The following ATXN10 variants were observed in gnomAD, a reference collection of about 807,000 sequenced individuals.
ATXN10 encodes ataxin 10.
ATXN10 carries 28 observed loss-of-function variants against 52.9 expected under a neutral mutation model. The observed-to-expected ratio is 0.53, with a 90% CI of 0.39 to 0.73. The LOEUF is 0.73. Ranked by LOEUF, ATXN10 falls within the 30% of genes least tolerant of loss-of-function variation. The probability of loss-of-function intolerance (pLI) is 0.00; values close to 1 mark genes in which losing one functional copy is unlikely to be tolerated. For missense variants in ATXN10, 565 were observed against 577.0 expected (o/e 0.98, Z 0.21); for synonymous variants, 226 against 221.5 (o/e 1.02, Z -0.18).
At position 45,841,379 on chromosome 22, in the gene ATXN10, A is replaced by G. The variant is rs560139867; in HGVS notation, c.1238-1612A>G. Among the ~76,000 whole-genome samples, 47 of 152,246 alleles carry G rather than the reference A, an allele frequency of 3.1e-4. No homozygotes were observed. Among genetic ancestry groups the G allele is most frequent in the Non-Finnish European group, 5.7e-4 (39 of 68,042 alleles). ...CCAGTGGTTTTGATGCTAAACCTCC[A>G]AAGACCAGCAGGTCATTCACTCAGC... On this transcript the variant is annotated intron_variant, in intron 10 of 11. Coordinates refer to ENST00000252934, the MANE Select transcript of ATXN10 (RefSeq NM_013236.4). This position sits in a 1 kb window ranked among gnomAD's most constrained non-coding sequence, Gnocchi z 5.1.
chr22:45,682,641 G>T lies in ATXN10; in HGVS notation c.117-7071G>T, dbSNP rs1177436575. On this transcript the variant is annotated intron_variant, in intron 1 of 11. Transcript: ENST00000252934. The stretch of plus-strand genomic sequence containing the variant: ...GATTTTTCTCCTGAATGCTAGACTT[G>T]TTTATTCACCTGACTACTTCACATT... Among the ~76,000 whole-genome samples the T allele has an allele frequency of 1.1e-4, 16 of 152,142 alleles. 1 individual carries two copies. The highest frequency in any genetic ancestry group is 2.4e-4 in the Non-Finnish European group (16 of 68,018).
In ATXN10 at chr22:45,837,557, C is replaced by A. The variant is rs938436307; in HGVS notation, c.1238-5434C>A. Reference sequence around the variant, plus strand: ...GATTACAGGCGTGAGCCACTATGCCCGGCCTATTTATTTATTAATTCAACA... The same window carrying A: ...GATTACAGGCGTGAGCCACTATGCCAGGCCTATTTATTTATTAATTCAACA... On this transcript the variant is annotated intron_variant, in intron 10 of 11. Transcript: ENST00000252934. The surrounding 1 kb of genome is among the most constrained non-coding windows in gnomAD (Gnocchi z 5.8). Among the ~76,000 whole-genome samples, 1 of 152,224 alleles carries A rather than the reference C, an allele frequency of 6.6e-6. No homozygotes were observed. The highest frequency in any genetic ancestry group is 1.5e-5 in the Non-Finnish European group (1 of 68,044).
intron 9 of ATXN10, among the ~76,000 whole-genome samples, chr22:45,755,253 C>T (rs755196254): frequency 6.6e-6 from 1 of 152,226 alleles, no homozygotes; most frequent in Non-Finnish European, 1.5e-5. Context: ...ATATTTTCAT[C>T]GTGATAGGAA....
In ATXN10 at chr22:45,744,584, A is replaced by T. The variant is rs997763404; in HGVS notation, c.1173+4046A>T. The T allele has an allele frequency of 6.6e-6, 1 of 152,118 alleles. No individual in the cohort carries two copies. The highest frequency in any genetic ancestry group is 1.5e-5 in the Non-Finnish European group (1 of 68,042). 9.4% of individuals were successfully genotyped at this position (152,118 alleles called of 1,614,324 possible). A position where few individuals can be genotyped will look rare whatever the true frequency, so the allele number is the denominator to read the frequency against. On this transcript the variant is annotated intron_variant, in intron 9 of 11. Transcript: ENST00000252934. This position sits in a 1 kb window ranked among gnomAD's most constrained non-coding sequence, Gnocchi z 4.9. ...TTGCCGTGTGCTGCATGCTCTGGAG[A>T]AGACAGTCGCTTTAGTGGTGGAATG... is the stretch of plus-strand genomic sequence containing the variant.
chr22:45,788,689 C>T (rs1927403686), intron 9 of ATXN10, among the ~76,000 whole-genome samples: 2 of 152,040 alleles, frequency 1.3e-5, no homozygotes, highest in South Asian at 4.1e-4. Context: ...CAGGGTCTCC[C>T]TCTGCTGCCC....
chr22:45,834,572 G>A (rs570726738), intron 10 of ATXN10, among the ~76,000 whole-genome samples: 2 of 152,308 alleles, frequency 1.3e-5, no homozygotes, highest in East Asian at 3.9e-4. Context: ...TCGTGGCTGT[G>A]TATCCACATG....
chr22:45,733,418 G>A lies in ATXN10; in HGVS notation c.894+3828G>A, dbSNP rs1026393514. Among the ~76,000 whole-genome samples the A allele has an allele frequency of 7.2e-5, 11 of 152,074 alleles. No individual in the cohort carries two copies. The highest frequency in any genetic ancestry group is 2.7e-4 in the African/African-American group (11 of 41,410). ...TGCTTTGTTGTTAAAAATTATTTAA[G>A]CTGAAGTCAGTGAAACATAAAGTTA... On this transcript the variant is annotated intron_variant, in intron 7 of 11. Coordinates refer to ENST00000252934, the MANE Select transcript of ATXN10 (RefSeq NM_013236.4). The surrounding 1 kb of genome is among the most constrained non-coding windows in gnomAD (Gnocchi z 4.4).
rs979776728 is a variant in ATXN10, at chr22:45,818,051, G to A, written c.1237+11029G>A. 3.9e-5 allele frequency among the ~76,000 whole-genome samples: 6 copies of A among 152,210 alleles called. No individual in the cohort carries two copies. The highest frequency in any genetic ancestry group is 3.9e-4 in the East Asian group (2 of 5,192). On this transcript the variant is annotated intron_variant, in intron 10 of 11. Transcript: ENST00000252934. This position sits in a 1 kb window ranked among gnomAD's most constrained non-coding sequence, Gnocchi z 4.6. ...TTCAGAAAAGAGACTTCCTTTCCTC[G>A]CTCAGGTATCTTGGCAGGTAGTCAA...
In ATXN10 at chr22:45,795,634, C is replaced by G. The variant is rs879691771; in HGVS notation, c.1174-11325C>G. On this transcript the variant is annotated intron_variant, in intron 9 of 11. Transcript: ENST00000252934. This position sits in a 1 kb window ranked among gnomAD's most constrained non-coding sequence, Gnocchi z 4.6. The stretch of plus-strand genomic sequence containing the variant: ...AAGTCAGGGACCCTGAACGGAGGGA[C>G]TGGCTGAAGCCATGGCAGAAGAACA... 3.5e-4 allele frequency among the ~76,000 whole-genome samples: 53 copies of G among 152,268 alleles called. No individual in the cohort carries two copies. Among genetic ancestry groups the G allele is most frequent in the Middle Eastern group, 3.4e-3 (1 of 294 alleles).
At chr22:45,707,280 T>C (rs1924080047) in intron 5 of ATXN10, among the ~76,000 whole-genome samples, 1 of 152,238 alleles carries the variant, frequency 6.6e-6, no homozygotes, top group African/African-American at 2.4e-5. Context: ...ATGAGCTTTT[T>C]CAATTTTGGC....
At chr22:45,700,561 G>T (rs1034035571) in intron 4 of ATXN10, among the ~76,000 whole-genome samples, 183 bp downstream of exon 4, 1 of 152,084 alleles carries the variant, frequency 6.6e-6, no homozygotes, top group Non-Finnish European at 1.5e-5. Context: ...GGTCCTGGAA[G>T]TGTTCGTCTA....
rs1423852977 is a variant in ATXN10 at position 45,787,530 on chromosome 22, A to G, written c.1174-19429A>G. ...GCATTTGCTTCTTTTGACCTTCGGT[A>G]CTCAGTAGACTTACTGTATGGGAAG... On this transcript the variant is annotated intron_variant, in intron 9 of 11. Coordinates refer to ENST00000252934, the MANE Select transcript of ATXN10 (RefSeq NM_013236.4). The surrounding 1 kb of genome is among the most constrained non-coding windows in gnomAD (Gnocchi z 4.2). Among the ~76,000 whole-genome samples, 1 of 152,148 alleles carries G rather than the reference A, an allele frequency of 6.6e-6. No individual in the cohort carries two copies. Among genetic ancestry groups the G allele is most frequent in the African/African-American group, 2.4e-5 (1 of 41,430 alleles).
At chr22:45,758,047 G>A (rs1020529901) in intron 9 of ATXN10, among the ~76,000 whole-genome samples, 5 of 152,232 alleles carry the variant, frequency 3.3e-5, no homozygotes, top group African/African-American at 7.2e-5. Flanking sequence ...GCAACTATTC[G>A]TTACCAGAAC....
chr22:45,777,011 C>T (rs368558323), intron 9 of ATXN10, among the ~76,000 whole-genome samples: 1 of 152,170 alleles, frequency 6.6e-6, no homozygotes, highest in African/African-American at 2.4e-5. Flanking sequence ...TAGTGGACAA[C>T]GATGAACTTG....
At chr22:45,700,842 TAAG>T (rs768343622) in intron 4 of ATXN10, among the ~76,000 whole-genome samples, 10 of 152,288 alleles carry the variant, frequency 6.6e-5, no homozygotes, top group African/African-American at 1.2e-4. Context: ...TTTTGGAAGA[TAAG>T]AAGAAGATGT....
At position 45,823,433 on chromosome 22, in the gene ATXN10, T is replaced by C. The variant is rs1312581691; in HGVS notation, c.1237+16411T>C. Among the ~76,000 whole-genome samples the C allele has an allele frequency of 2.0e-5, 3 of 152,238 alleles. No individual in the cohort carries two copies. Among genetic ancestry groups the C allele is most frequent in the Admixed American group, 2.0e-4 (3 of 15,282 alleles). On this transcript the variant is annotated intron_variant, in intron 10 of 11. Transcript: ENST00000252934. The surrounding 1 kb of genome is among the most constrained non-coding windows in gnomAD (Gnocchi z 4.9). Reference sequence around the variant, plus strand: ...TGATGTACAGTAGGGATTCTGTCTTTTTTTAATTTCCCCTGCGATTATGCA... The same window carrying C: ...TGATGTACAGTAGGGATTCTGTCTTCTTTTAATTTCCCCTGCGATTATGCA...
chr22:45,829,005 A>G (rs1487207830), intron 10 of ATXN10, among the ~76,000 whole-genome samples: 2 of 152,332 alleles, frequency 1.3e-5, no homozygotes, highest in South Asian at 2.1e-4. Context: ...TTAACAGCAT[A>G]CTAAAAGAAT....
chr22:45,720,282 A>AAATCACAC (rs1005911825), intron 6 of ATXN10, among the ~76,000 whole-genome samples: 22 of 152,112 alleles, frequency 1.4e-4, no homozygotes, highest in African/African-American at 5.3e-4. Context: ...AAATTGTGGT[A>AAATCACAC]AATCACACAT....
intron 7 of ATXN10, among the ~76,000 whole-genome samples, chr22:45,735,257 T>G (rs1601613548): frequency 6.6e-6 from 1 of 152,190 alleles, no homozygotes; most frequent in East Asian, 1.9e-4. Context: ...TGTTATTATT[T>G]CAGTACCATT....
Sources: allele counts gnomAD v4.1 joint callset (sites outside exome capture counted in the v4.1 genomes callset), GRCh38; gene constraint gnomAD v4.1.1; non-coding constraint Gnocchi (gnomAD v3.1); transcripts MANE v1.5; gene names NCBI Gene and HGNC (gene_info 2026-07-23, HGNC 2026-07-21).